The following SLIT2 variants were observed in gnomAD, a reference collection of about 807,000 sequenced individuals.
The protein encoded by SLIT2 is slit homolog 2 protein.
In SLIT2, 41 loss-of-function variants were observed where a neutral mutation model predicts 185.7. That is an observed-to-expected ratio of 0.22 (90% CI 0.17 to 0.29). The LOEUF (loss-of-function observed/expected upper bound fraction) is 0.29. Ranked by LOEUF, SLIT2 falls within the 10% of genes least tolerant of loss-of-function variation. The pLI, the probability that SLIT2 is intolerant of heterozygous loss-of-function variation, is 1.00. For synonymous variants in SLIT2, 693 were observed against 680.2 expected (o/e 1.02, Z -0.29); for missense variants, 1,571 against 1,909.0 (o/e 0.82, Z 3.30).
intron 22 of SLIT2, 69 bp downstream of exon 22, chr4:20,546,168 A>G (rs538168193): frequency 2.5e-6 from 2 of 803,740 alleles, no homozygotes; most frequent in Admixed American, 2.3e-5. Context: ...AAGGGACAGA[A>G]GATTTAGTGA....
Position 20,384,882 on chromosome 4 carries a change from A to T in SLIT2, c.396-82870A>T, listed in dbSNP as rs780206391. ...GCTGAAAGACTCAAGGGCCTGAGAC[A>T]CATTCTGGCCATAGGAGCAAGTAAA... On this transcript the variant is annotated intron_variant, in intron 4 of 36. Coordinates refer to ENST00000504154, the MANE Select transcript of SLIT2 (RefSeq NM_004787.4). Among the ~76,000 whole-genome samples, 158 of 152,320 alleles carry T rather than the reference A, an allele frequency of 1.0e-3. 3 individuals carry two copies. The highest frequency in any genetic ancestry group is 2.6e-4 in the Non-Finnish European group (18 of 68,030).
rs369408712 is a variant in SLIT2 at position 20,342,851 on chromosome 4, T to A, written c.395+73970T>A. Among the ~76,000 whole-genome samples, 10 of 151,418 alleles carry A rather than the reference T, an allele frequency of 6.6e-5. No individual in the cohort carries two copies. The East Asian group carries it at 1.2e-3, about 18-fold the overall frequency. On this transcript the variant is annotated intron_variant, in intron 4 of 36. Coordinates refer to ENST00000504154, the MANE Select transcript of SLIT2 (RefSeq NM_004787.4). ...GTACATGATTAGAAGCCTAAATGTG[T>A]AAGTCAGGAAACTAATAAATCCTGC...
chr4:20,617,666 TG>T lies in SLIT2; in HGVS notation c.4348+19del. 1 of 1,587,850 alleles carries T rather than the reference TG, an allele frequency of 6.3e-7. No individual in the cohort carries two copies. Among genetic ancestry groups the T allele is most frequent in the Non-Finnish European group, 8.6e-7 (1 of 1,164,314 alleles). On this transcript the variant is annotated intron_variant, in intron 36 of 36. Transcript: ENST00000504154. ...TGTGATCGAGGTAAGCCAGCCCCACTGGGCACCTCATTCTCTTGGCAAAGCA... is the reference window on the plus strand; with the variant it reads ...TGTGATCGAGGTAAGCCAGCCCCACTGGCACCTCATTCTCTTGGCAAAGCA...
chr4:20,338,568 A>G (rs539325270), intron 4 of SLIT2, among the ~76,000 whole-genome samples: 1 of 152,296 alleles, frequency 6.6e-6, no homozygotes, highest in African/African-American at 2.4e-5. Flanking sequence ...CAGCAAGGCA[A>G]ATTCACCTTT....
chr4:20,582,270 C>A (rs565076408), intron 29 of SLIT2, among the ~76,000 whole-genome samples: 1 of 152,320 alleles, frequency 6.6e-6, no homozygotes, highest in African/African-American at 2.4e-5. Flanking sequence ...CTTCATTCTC[C>A]ACTTCACCCT....
chr4:20,442,260 C>T (rs1275915771), intron 4 of SLIT2, among the ~76,000 whole-genome samples: 1 of 152,120 alleles, frequency 6.6e-6, no homozygotes, highest in Admixed American at 6.6e-5. Flanking sequence ...TGGCTCACGC[C>T]TGTAATCCCA....
chr4:20,283,589 A>G (rs998683653), intron 4 of SLIT2, among the ~76,000 whole-genome samples: 5 of 152,194 alleles, frequency 3.3e-5, no homozygotes, highest in Admixed American at 6.5e-5. Context: ...GACACTTAAT[A>G]TTAATCATTA....
intron 33 of SLIT2, among the ~76,000 whole-genome samples, chr4:20,607,844 A>AAACT (rs1728908150): frequency 6.6e-6 from 1 of 152,108 alleles, no homozygotes; most frequent in South Asian, 2.1e-4. Context: ...CATCCATATA[A>AAACT]AACTACTTGG....
Position 20,388,215 on chromosome 4 carries a change from A to G in SLIT2, c.396-79537A>G, listed in dbSNP as rs530512486. 1.4e-4 allele frequency among the ~76,000 whole-genome samples: 21 copies of G among 152,298 alleles called. No individual in the cohort carries two copies. The East Asian group carries it at 3.9e-3, about 28-fold the overall frequency. ...AAACTAAACTGAAACCTTGGGCTTC[A>G]TTAAAATTTAAATCTTCTAGTCTTT... On this transcript the variant is annotated intron_variant, in intron 4 of 36. Coordinates refer to ENST00000504154, the MANE Select transcript of SLIT2 (RefSeq NM_004787.4).
At chr4:20,475,092 C>T (rs1238337250) in intron 5 of SLIT2, among the ~76,000 whole-genome samples, 1 of 152,060 alleles carries the variant, frequency 6.6e-6, no homozygotes, top group Non-Finnish European at 1.5e-5. Context: ...CTACTCCTAG[C>T]ATTCTGACTT....
chr4:20,437,708 C>A (rs972149817), intron 4 of SLIT2, among the ~76,000 whole-genome samples: 1 of 151,684 alleles, frequency 6.6e-6, no homozygotes, highest in African/African-American at 2.4e-5. Flanking sequence ...GTCAGGAGAT[C>A]GAGACTATCC....
chr4:20,300,564 G>C (rs1180360105), intron 4 of SLIT2, among the ~76,000 whole-genome samples: 1 of 151,840 alleles, frequency 6.6e-6, no homozygotes, highest in South Asian at 2.1e-4. Context: ...TATGATGAGT[G>C]CATTTTAGTT....
At chr4:20,337,680 G>A (rs1017381473) in intron 4 of SLIT2, among the ~76,000 whole-genome samples, 4 of 152,134 alleles carry the variant, frequency 2.6e-5, no homozygotes, top group Admixed American at 2.0e-4. Context: ...AGGCAATACT[G>A]ACACTCCACA....
At chr4:20,348,301 T>C (rs896106318) in intron 4 of SLIT2, among the ~76,000 whole-genome samples, 4 of 152,122 alleles carry the variant, frequency 2.6e-5, no homozygotes, top group African/African-American at 9.7e-5. Flanking sequence ...TGCAGTGGCA[T>C]GATCTTGGCT....
chr4:20,501,601 T>C (rs1333065948), intron 9 of SLIT2, among the ~76,000 whole-genome samples: 1 of 152,194 alleles, frequency 6.6e-6, no homozygotes, highest in African/African-American at 2.4e-5. Context: ...ATGTTAATTC[T>C]TAGTTATCAT....
chr4:20,410,267 G>A lies in SLIT2; in HGVS notation c.396-57485G>A, dbSNP rs1433123812. Among the ~76,000 whole-genome samples, 11 of 6,544 alleles carry A rather than the reference G, an allele frequency of 1.7e-3. No homozygotes were observed. The South Asian group carries it at 0.044, about 26-fold the overall frequency. 4.3% of individuals were successfully genotyped at this position (6,544 alleles called of 152,430 possible). On this transcript the variant is annotated intron_variant, in intron 4 of 36. Transcript: ENST00000504154. ...TCTTTTTTTTTTTTTTTTTTTTTTTGAGACAGAGTCTTGCTCTGTCACCCA... is the reference window on the plus strand; with the variant it reads ...TCTTTTTTTTTTTTTTTTTTTTTTTAAGACAGAGTCTTGCTCTGTCACCCA...
rs529996470 is a variant in SLIT2 at position 20,354,085 on chromosome 4, T to A, written c.395+85204T>A. ...CAGTGACTTAAGTATCCTTTCACAG[T>A]TTGCTAAAAATTTTTAAGAAATTTT... On this transcript the variant is annotated intron_variant, in intron 4 of 36. Coordinates refer to ENST00000504154, the MANE Select transcript of SLIT2 (RefSeq NM_004787.4). Among the ~76,000 whole-genome samples, 140 of 152,310 alleles carry A rather than the reference T, an allele frequency of 9.2e-4. 1 individual carries two copies. The highest frequency in any genetic ancestry group is 3.1e-3 in the African/African-American group (130 of 41,570).
intron 33 of SLIT2, among the ~76,000 whole-genome samples, chr4:20,601,952 T>A (rs1335453529): frequency 6.6e-6 from 1 of 152,224 alleles, no homozygotes; most frequent in East Asian, 1.9e-4. Flanking sequence ...ATTTTATACC[T>A]CAGGTGCATC....
intron 4 of SLIT2, among the ~76,000 whole-genome samples, chr4:20,409,227 C>T (rs1437988665): frequency 6.6e-6 from 1 of 152,162 alleles, no homozygotes; most frequent in Non-Finnish European, 1.5e-5. Flanking sequence ...CCTCTCACTT[C>T]TCGCCCTACA....
Sources: gnomAD v4.1 joint callset for allele counts (sites outside exome capture counted in the v4.1 genomes callset) on GRCh38, gnomAD v4.1.1 for gene constraint, MANE v1.5 for transcripts, NCBI Gene and HGNC (gene_info 2026-07-23, HGNC 2026-07-21) for gene names.